The following SLC28A2 variants were observed in gnomAD, a reference collection of about 807,000 sequenced individuals.
SLC28A2 encodes the protein sodium/nucleoside cotransporter 2.
A neutral mutation model predicts 72.9 loss-of-function variants in SLC28A2; 69 were observed. That is an observed-to-expected ratio of 0.95 (90% CI 0.78 to 1.16). The LOEUF is 1.16. SLC28A2 is among the 50% of genes most tolerant of loss of function. The pLI is 0.00. For missense variants in SLC28A2, 745 were observed against 791.1 expected (o/e 0.94, Z 0.70); for synonymous variants, 296 against 294.1 (o/e 1.01, Z -0.07).
chr15:45,277,254 G>A lies in SLC28A2; in HGVS notation c.*1741G>A, dbSNP rs1270888010. ...TATTAATATTATAGCCTTAAGGAAG[G>A]GTTTCAAAAGGATACAGGAGTTCCT... On this transcript the variant is annotated 3_prime_UTR_variant, in exon 18 of 18. Coordinates refer to ENST00000347644, the MANE Select transcript of SLC28A2 (RefSeq NM_004212.4). 1 of 150,364 alleles carries A rather than the reference G, an allele frequency of 6.7e-6. No homozygotes were observed. Among genetic ancestry groups the A allele is most frequent in the Non-Finnish European group, 1.5e-5 (1 of 67,708 alleles). 9.3% of individuals were successfully genotyped at this position (150,364 alleles called of 1,614,324 possible). A position where few individuals can be genotyped will look rare whatever the true frequency, so the allele number is the denominator to read the frequency against.
At position 45,262,985 on chromosome 15, in the gene SLC28A2, C is replaced by T. The variant is rs1900207250; in HGVS notation, c.263-76C>T. On this transcript the variant is annotated intron_variant, in intron 4 of 17. Transcript: ENST00000347644. ...GGTTTTTCTTGCTCTAAGTCCCAGG[C>T]ATTCATGACTGGAGTTTCATTTGCC... 4 of 1,270,692 alleles carry T rather than the reference C, an allele frequency of 3.1e-6. No individual in the cohort carries two copies. In the South Asian group the frequency reaches 5.5e-5, roughly 17 times the overall value. The allele number at this position is 1,270,692 out of a possible 1,614,324, so 78.7% of individuals were successfully genotyped here.
chr15:45,261,099 C>A (rs904434755), intron 3 of SLC28A2, among the ~76,000 whole-genome samples: 2 of 152,234 alleles, frequency 1.3e-5, no homozygotes, highest in African/African-American at 2.4e-5. Flanking sequence ...CTCAGCATGA[C>A]TGCCAGACTG....
Position 45,272,360 on chromosome 15 carries a change from G to T in SLC28A2, c.1714G>T (p.Ala572Ser). The T allele has an allele frequency of 6.2e-7, 1 of 1,613,916 alleles. No homozygotes were observed. Among genetic ancestry groups the T allele is most frequent in the Non-Finnish European group, 8.5e-7 (1 of 1,179,904 alleles). ...KVVVRALFTG[A>S]CVSLISACMA... ...TGTGGTCAGGGCCCTCTTCACAGGG[G>T]CCTGTGTATCCCTTATCAGTGCCTG... Residue 572 changes from alanine to serine, a missense_variant, in exon 16 of 18, where the codon GCC becomes TCC. Transcript: ENST00000347644.
intron 3 of SLC28A2, among the ~76,000 whole-genome samples, chr15:45,260,964 A>G (rs546784359): frequency 1.3e-5 from 2 of 152,308 alleles, no homozygotes; most frequent in African/African-American, 4.8e-5. Flanking sequence ...GGGGGCAGGA[A>G]TGAAAAGGAA....
chr15:45,270,637 A>T (rs972753826), intron 15 of SLC28A2, among the ~76,000 whole-genome samples: 4 of 150,224 alleles, frequency 2.7e-5, no homozygotes, highest in Non-Finnish European at 6.0e-5. Flanking sequence ...TATTTATTTA[A>T]TTTTTTTTGA....
In SLC28A2 at chr15:45,266,173, G is replaced by A. The variant is rs1409594408; in HGVS notation, c.942+12G>A. On this transcript the variant is annotated intron_variant, in intron 10 of 17. Transcript: ENST00000347644. Reference sequence around the variant, plus strand: ...TCTTTGTGGGTATGGTAAGCACCTTGAGGACTTTTGGTCTTCTTCCCTCTG... The same window carrying A: ...TCTTTGTGGGTATGGTAAGCACCTTAAGGACTTTTGGTCTTCTTCCCTCTG... 3 of 1,599,040 alleles carry A rather than the reference G, an allele frequency of 1.9e-6. No homozygotes were observed. Among genetic ancestry groups the A allele is most frequent in the East Asian group, 2.2e-5 (1 of 44,820 alleles).
intron 17 of SLC28A2, among the ~76,000 whole-genome samples, chr15:45,274,807 C>A (rs114268483): frequency 6.6e-6 from 1 of 151,268 alleles, no homozygotes; most frequent in South Asian, 2.1e-4. Flanking sequence ...TGCAGTGGCA[C>A]AATCTTGGCC....
rs1270514621 is a variant in SLC28A2, at chr15:45,275,962, T to C, written c.*449T>C. ...AAAAAAAAAAAAAAAAAAAGATTCA[T>C]TTTGGTTCGCTGTATCCCAATAACG... On this transcript the variant is annotated 3_prime_UTR_variant, in exon 18 of 18. Coordinates refer to ENST00000347644, the MANE Select transcript of SLC28A2 (RefSeq NM_004212.4). 1 of 152,212 alleles carries C rather than the reference T, an allele frequency of 6.6e-6. No homozygotes were observed. The highest frequency in any genetic ancestry group is 6.6e-5 in the Admixed American group (1 of 15,236). The allele number at this position is 152,212 out of a possible 1,614,324, so 9.4% of individuals were successfully genotyped here.
intron 10 of SLC28A2, 21 bp downstream of exon 10, chr15:45,266,182 T>C: frequency 6.4e-7 from 1 of 1,560,020 alleles, no homozygotes; most frequent in Non-Finnish European, 8.8e-7. Context: ...TGAGGACTTT[T>C]GGTCTTCTTC....
chr15:45,264,038 T>C lies in SLC28A2; in HGVS notation c.588+16T>C. The C allele has an allele frequency of 6.2e-7, 1 of 1,602,204 alleles. No homozygotes were observed. Among genetic ancestry groups the C allele is most frequent in the Non-Finnish European group, 8.5e-7 (1 of 1,173,562 alleles). ...CCACAGCGCAGTGAGTTTTGGGTATTTGGGTTGGGTATAGCAACACATGGC... is the reference window on the plus strand; with the variant it reads ...CCACAGCGCAGTGAGTTTTGGGTATCTGGGTTGGGTATAGCAACACATGGC... On this transcript the variant is annotated intron_variant, in intron 6 of 17. Transcript: ENST00000347644.
chr15:45,274,232 C>T (rs1900678063), intron 17 of SLC28A2, among the ~76,000 whole-genome samples: 2 of 152,132 alleles, frequency 1.3e-5, no homozygotes, highest in Admixed American at 1.3e-4. Context: ...GACACAGTGG[C>T]TCACACCTAT....
At chr15:45,268,505 A>T (rs373520465) in intron 13 of SLC28A2, 127 bp downstream of exon 13, 8,553 of 782,696 alleles carry the variant, frequency 0.011, 140 homozygotes, top group South Asian at 0.044. Context: ...ATCATTAAAA[A>T]GTCAGGAAAC....
rs958604478 is a variant in SLC28A2 at position 45,272,304 on chromosome 15, T to C, written c.1658T>C (p.Val553Ala). The change falls in exon 16 of 18, where the codon GTA (valine) becomes GCA (alanine). Residue 553 changes from valine to alanine, a missense_variant. By Grantham distance (64) the Val-to-Ala change is moderately conservative (BLOSUM62 0). Coordinates refer to ENST00000347644, the MANE Select transcript of SLC28A2 (RefSeq NM_004212.4). ...ATTTTATTGTCTGCAGCATCAATAG[T>C]ACCTCACCGGAAGAGTGACTTGTCC... ...GITLGGLTSI[V>A]PHRKSDLSKV... 6.2e-7 allele frequency: 1 copy of C among 1,613,538 alleles called. No homozygotes were observed. Among genetic ancestry groups the C allele is most frequent in the Non-Finnish European group, 8.5e-7 (1 of 1,179,938 alleles).
chr15:45,261,267 A>G (rs771024394), intron 3 of SLC28A2, among the ~76,000 whole-genome samples: 1 of 152,196 alleles, frequency 6.6e-6, no homozygotes, highest in Non-Finnish European at 1.5e-5. Context: ...GATGGTTAAG[A>G]GCTCAGATGC....
chr15:45,275,967 G>A lies in SLC28A2; in HGVS notation c.*454G>A, dbSNP rs971719181. On this transcript the variant is annotated 3_prime_UTR_variant, in exon 18 of 18. Transcript: ENST00000347644. ...AAAAAAAAAAAAAAGATTCATTTTG[G>A]TTCGCTGTATCCCAATAACGAAAAA... The A allele has an allele frequency of 4.6e-5, 7 of 150,718 alleles. No individual in the cohort carries two copies. The highest frequency in any genetic ancestry group is 1.7e-4 in the African/African-American group (7 of 40,834). The allele number at this position is 150,718 out of a possible 1,614,324, so 9.3% of individuals were successfully genotyped here. A position where few individuals can be genotyped will look rare whatever the true frequency, so the allele number is the denominator to read the frequency against.
In SLC28A2 at chr15:45,272,914, C is replaced by T. The variant is rs1033730711; in HGVS notation, c.1859+130C>T. 8.5e-6 allele frequency: 5 copies of T among 591,692 alleles called. No homozygotes were observed. In the Admixed American group the frequency reaches 9.1e-5, roughly 11 times the overall value. 36.7% of individuals were successfully genotyped at this position (591,692 alleles called of 1,614,324 possible). On this transcript the variant is annotated intron_variant, in intron 17 of 17. Transcript: ENST00000347644. ...ATGGCCTAGATCAGTGTTCTTTTCTCTTATTGGGTGCATCTTCATTATTAG... is the reference window on the plus strand; with the variant it reads ...ATGGCCTAGATCAGTGTTCTTTTCTTTTATTGGGTGCATCTTCATTATTAG...
At position 45,267,584 on chromosome 15, in the gene SLC28A2, G is replaced by A. The variant is rs1025923659; in HGVS notation, c.1068+4G>A. ...GGGAGCCTTCATAGCCTTTGGGGTA[G>A]GCATAGTCTGCTTGATCACTCCTGG... is the stretch of plus-strand genomic sequence containing the variant. On this transcript the variant is annotated splice_donor_region_variant and intron_variant, in intron 11 of 17. Transcript: ENST00000347644. The A allele has an allele frequency of 1.2e-6, 2 of 1,614,114 alleles. No homozygotes were observed. The highest frequency in any genetic ancestry group is 1.7e-6 in the Non-Finnish European group (2 of 1,180,024).
At position 45,263,799 on chromosome 15, in the gene SLC28A2, G is replaced by C. The variant is rs972841690; in HGVS notation, c.447-82G>C. On this transcript the variant is annotated intron_variant, in intron 5 of 17. Transcript: ENST00000347644. ...GCCTTTGATCACAGGCCAGGAGTGA[G>C]AGAATAACTTTCAGACTCTCTGTAA... 1.1e-5 allele frequency: 16 copies of C among 1,409,636 alleles called. No homozygotes were observed. The African/African-American group carries it at 1.1e-4, about 10-fold the overall frequency. The allele number at this position is 1,409,636 out of a possible 1,614,324, so 87.3% of individuals were successfully genotyped here.
chr15:45,272,831 T>A (rs780134618), intron 17 of SLC28A2, 47 bp downstream of exon 17: 3 of 977,320 alleles, frequency 3.1e-6, no homozygotes, highest in Non-Finnish European at 3.3e-6. Flanking sequence ...GGCCCTCAGG[T>A]CTCCACGGTA....
Sources: allele counts gnomAD v4.1 joint callset (sites outside exome capture counted in the v4.1 genomes callset), GRCh38; gene constraint gnomAD v4.1.1; transcripts MANE v1.5; gene names NCBI Gene and HGNC (gene_info 2026-07-23, HGNC 2026-07-21).